LTBP1: variants seen among roughly 807,000 people sequenced by gnomAD.
LTBP1 encodes latent transforming growth factor beta binding protein 1, also known as latent-transforming growth factor beta-binding protein 1.
In LTBP1, 129 loss-of-function variants were observed where a neutral mutation model predicts 207.6. The ratio of observed to expected loss-of-function variants is 0.62; its 90% confidence interval spans 0.54 to 0.72. The LOEUF (loss-of-function observed/expected upper bound fraction) is 0.72. LTBP1 is among the 30% of genes least tolerant of loss of function. The pLI, the probability that LTBP1 is intolerant of heterozygous loss-of-function variation, is 0.00. For missense variants in LTBP1, 2,281 were observed against 2,217.2 expected, an observed-to-expected ratio of 1.03 and a Z score of -0.58; for synonymous variants, 963 against 833.7, an observed-to-expected ratio of 1.16 and a Z score of -2.67.
intron 22 of LTBP1, among the ~76,000 whole-genome samples, chr2:33,302,968 CACACACACACACACACAA>C (rs1383239143): frequency 6.6e-5 from 10 of 151,276 alleles, no homozygotes; most frequent in African/African-American, 2.4e-4. Flanking sequence ...CACACACACA[CACACACACACACACACAA>C]ACACACACAA....
At chr2:33,336,466 G>A (rs1341928373) in intron 24 of LTBP1, among the ~76,000 whole-genome samples, 1 of 152,010 alleles carries the variant, frequency 6.6e-6, no homozygotes, top group African/African-American at 2.4e-5. Flanking sequence ...CAGTTTTCCG[G>A]TTATTAAAAT....
chr2:33,242,538 C>G (rs955938044), intron 9 of LTBP1, among the ~76,000 whole-genome samples: 1 of 151,874 alleles, frequency 6.6e-6, no homozygotes, highest in East Asian at 1.9e-4. Context: ...TGCCTTCTTT[C>G]TTCCTCAGAA....
intron 31 of LTBP1, among the ~76,000 whole-genome samples, chr2:33,370,574 T>C (rs1280668673): frequency 6.6e-6 from 1 of 152,226 alleles, no homozygotes; most frequent in Non-Finnish European, 1.5e-5. Flanking sequence ...AAAACCTACG[T>C]TAATGCTGGT....
intron 5 of LTBP1, among the ~76,000 whole-genome samples, chr2:33,151,823 TTGTGTGTGTGTGTG>T (rs10526529): frequency 0.04 from 5,121 of 129,416 alleles, 215 homozygotes; most frequent in African/African-American, 0.096. Context: ...GTATTCCATT[TTGTGTGTGTGTGTG>T]TGTGTGTGTG....
chr2:33,188,918 C>A, intron 7 of LTBP1, 67 bp downstream of exon 7: 1 of 1,500,856 alleles, frequency 6.7e-7, no homozygotes. Flanking sequence ...AACAAGAAAG[C>A]CAGACTTGAT....
In LTBP1 at chr2:33,079,799, C is replaced by T. The variant is rs372020084; in HGVS notation, c.864-30783C>T. 2.0e-5 allele frequency among the ~76,000 whole-genome samples: 3 copies of T among 152,150 alleles called. No homozygotes were observed. In the East Asian group the frequency reaches 5.8e-4, roughly 29 times the overall value. On this transcript the variant is annotated intron_variant, in intron 3 of 33. Coordinates refer to ENST00000404816, the MANE Select transcript of LTBP1 (RefSeq NM_206943.4). ...CTTAGGAAACCTGTCTGTTTTTCTT[C>T]TGTTTACACACTTGCAACACAGTTA...
chr2:32,982,598 A>G (rs1271155721), intron 2 of LTBP1, among the ~76,000 whole-genome samples: 1 of 152,070 alleles, frequency 6.6e-6, no homozygotes, highest in African/African-American at 2.4e-5. Context: ...GGAGGGAAAA[A>G]TGGTTTCTTG....
rs56171359 is a variant in LTBP1 at position 33,341,729 on chromosome 2, AAT to A, written c.3731-1094_3731-1093del. Among the ~76,000 whole-genome samples, 80 of 93,612 alleles carry A rather than the reference AAT, an allele frequency of 8.5e-4. 1 individual carries two copies. In the Middle Eastern group the frequency reaches 0.023, roughly 27 times the overall value. The allele number at this position is 93,612 out of a possible 152,430, so 61.4% of individuals were successfully genotyped here. On this transcript the variant is annotated intron_variant, in intron 24 of 33. Transcript: ENST00000404816. Reference sequence around the variant, plus strand: ...CCGTCTCACTCAAAAAAAAAAAAAAAATATATATATATATATGTATATTTATA... The same window carrying A: ...CCGTCTCACTCAAAAAAAAAAAAAAAATATATATATATATGTATATTTATA...
rs1201977981 is a variant in LTBP1 at position 33,353,612 on chromosome 2, AT to A, written c.4000+6109del. Among the ~76,000 whole-genome samples the A allele has an allele frequency of 2.0e-5, 3 of 152,094 alleles. No homozygotes were observed. The East Asian group carries it at 5.8e-4, about 29-fold the overall frequency. ...TTCTACAGAATAAAAATAATTTTTC[AT>A]TTTTTTAAAGATTTAATAGGGGCAC... is the stretch of plus-strand genomic sequence containing the variant. On this transcript the variant is annotated intron_variant, in intron 26 of 33. Transcript: ENST00000404816.
intron 23 of LTBP1, among the ~76,000 whole-genome samples, chr2:33,310,532 C>T (rs1193391507): frequency 1.3e-5 from 2 of 152,148 alleles, no homozygotes; most frequent in African/African-American, 2.4e-5. Flanking sequence ...TCATTTTGTG[C>T]ATGAGTAACT....
chr2:33,151,200 T>A (rs1484207371), intron 5 of LTBP1, among the ~76,000 whole-genome samples: 1 of 152,230 alleles, frequency 6.6e-6, no homozygotes, highest in Non-Finnish European at 1.5e-5. Context: ...AAAATAATGT[T>A]GCTATGAGCC....
At chr2:33,229,721 C>T (rs1490535846) in intron 9 of LTBP1, among the ~76,000 whole-genome samples, 1 of 152,000 alleles carries the variant, frequency 6.6e-6, no homozygotes, top group Non-Finnish European at 1.5e-5. Flanking sequence ...GCTGACTGAC[C>T]CTTAGCAAAC....
intron 2 of LTBP1, among the ~76,000 whole-genome samples, chr2:33,006,225 C>A (rs1686845784): frequency 6.6e-6 from 1 of 152,054 alleles, no homozygotes; most frequent in South Asian, 2.1e-4. Context: ...ACCTGGCCTG[C>A]TCTTAATGAT....
At chr2:33,168,899 G>T (rs1465502529) in intron 5 of LTBP1, among the ~76,000 whole-genome samples, 8 of 152,164 alleles carry the variant, frequency 5.3e-5, no homozygotes, top group Admixed American at 3.9e-4. Context: ...GTCAGTGACA[G>T]TTTGCTACTC....
intron 11 of LTBP1, among the ~76,000 whole-genome samples, chr2:33,253,610 A>G (rs750066282): frequency 3.3e-5 from 5 of 152,172 alleles, no homozygotes; most frequent in East Asian, 3.9e-4. Flanking sequence ...AGTCTACTCA[A>G]TTGCATGTTT....
chr2:33,275,242 A>G lies in LTBP1; in HGVS notation c.2869+152A>G. 5.4e-6 allele frequency: 5 copies of G among 931,776 alleles called. No individual in the cohort carries two copies. The South Asian group carries it at 8.9e-5, about 17-fold the overall frequency. 57.7% of individuals were successfully genotyped at this position (931,776 alleles called of 1,614,324 possible). A position where few individuals can be genotyped will look rare whatever the true frequency, so the allele number is the denominator to read the frequency against. On this transcript the variant is annotated intron_variant, in intron 17 of 33. Transcript: ENST00000404816. ...AGTCTGCTAGATCCCAGGTGATATA[A>G]AAATGGATTTTTTTCCCCTAACATT... is the stretch of plus-strand genomic sequence containing the variant.
chr2:32,954,316 A>C (rs1572798631), intron 2 of LTBP1, among the ~76,000 whole-genome samples: 1 of 152,244 alleles, frequency 6.6e-6, no homozygotes, highest in Admixed American at 6.5e-5. Flanking sequence ...TGGGTGACTT[A>C]GAACGATAGA....
At chr2:33,334,269 A>G (rs2094529808) in intron 24 of LTBP1, among the ~76,000 whole-genome samples, 1 of 152,268 alleles carries the variant, frequency 6.6e-6, no homozygotes, top group South Asian at 2.1e-4. Flanking sequence ...ATGCAGGGGC[A>G]GAGGCCACAT....
At chr2:33,021,909 C>T (rs1203274634) in intron 3 of LTBP1, among the ~76,000 whole-genome samples, 1 of 152,100 alleles carries the variant, frequency 6.6e-6, no homozygotes, top group Non-Finnish European at 1.5e-5. Flanking sequence ...TGCACCGGGT[C>T]CTTAAACAAA....
Sources: allele counts gnomAD v4.1 joint callset (sites outside exome capture counted in the v4.1 genomes callset), GRCh38; gene constraint gnomAD v4.1.1; transcripts MANE v1.5; gene names NCBI Gene and HGNC (gene_info 2026-07-23, HGNC 2026-07-21).